The following AVL9 variants were observed in gnomAD, a reference collection of about 807,000 sequenced individuals.
The protein encoded by AVL9 is late secretory pathway protein AVL9 homolog.
A neutral mutation model predicts 79.2 loss-of-function variants in AVL9; 49 were observed. The observed-to-expected ratio is 0.62, with a 90% CI of 0.49 to 0.79. The LOEUF is 0.79. AVL9 is among the 30% of genes least tolerant of loss of function. AVL9 has a pLI of 0.00. For missense variants in AVL9, 682 were observed against 776.8 expected, an observed-to-expected ratio of 0.88 and a Z score of 1.45; for synonymous variants, 299 against 280.6, an observed-to-expected ratio of 1.07 and a Z score of -0.65.
chr7:32,520,157 G>T (rs1443078835), intron 1 of AVL9, among the ~76,000 whole-genome samples: 1 of 152,128 alleles, frequency 6.6e-6, no homozygotes, highest in Non-Finnish European at 1.5e-5. Flanking sequence ...GAAAAATTAA[G>T]CCAGGGCAAC....
At chr7:32,579,448 ATAT>A (rs1276249244) in intron 13 of AVL9, among the ~76,000 whole-genome samples, 1,603 of 5,800 alleles carry the variant, frequency 0.28, 693 homozygotes, top group Middle Eastern at 0.57. Flanking sequence ...TATATATAAT[ATAT>A]TATATATTAT....
intron 1 of AVL9, among the ~76,000 whole-genome samples, chr7:32,505,681 T>A (rs942183474): frequency 1.3e-5 from 2 of 152,184 alleles, no homozygotes; most frequent in Non-Finnish European, 2.9e-5. Flanking sequence ...GTAGGAGATA[T>A]AGTGACAGTT....
intron 1 of AVL9, among the ~76,000 whole-genome samples, chr7:32,497,873 G>T (rs138631510): frequency 0.011 from 1,652 of 152,140 alleles, 34 homozygotes; most frequent in African/African-American, 0.038. Flanking sequence ...GGATGGTCTC[G>T]ATCTCCTTAC....
rs1454142346 is a variant in AVL9 at position 32,586,641 on chromosome 7, G to A, written c.*2734G>A. The A allele has an allele frequency of 6.6e-6, 1 of 152,192 alleles. No individual in the cohort carries two copies. The highest frequency in any genetic ancestry group is 1.5e-5 in the Non-Finnish European group (1 of 68,064). 9.4% of individuals were successfully genotyped at this position (152,192 alleles called of 1,614,324 possible). On this transcript the variant is annotated 3_prime_UTR_variant, in exon 16 of 16. Coordinates refer to ENST00000318709, the MANE Select transcript of AVL9 (RefSeq NM_015060.3). ...TGTGTTGGTGGCCACACTTGCTAAG[G>A]CTTTTGTGTCTAAGAATTGAGTATT...
At chr7:32,578,475 TCTTCAATAGC>T (rs1791197957) in intron 13 of AVL9, among the ~76,000 whole-genome samples, 1 of 152,208 alleles carries the variant, frequency 6.6e-6, no homozygotes, top group South Asian at 2.1e-4. Context: ...AGTTTAGTTT[TCTTCAATAGC>T]AAATTTTCAA....
At chr7:32,559,864 ATT>A (rs1482426229) in intron 10 of AVL9, 1 of 158,456 alleles carries the variant, frequency 6.3e-6, no homozygotes, top group Non-Finnish European at 1.4e-5. Flanking sequence ...AGTCTCAGGA[ATT>A]TTTTTGTTTC....
intron 8 of AVL9, among the ~76,000 whole-genome samples, chr7:32,558,167 C>A (rs1261507226): frequency 6.9e-6 from 1 of 144,664 alleles, no homozygotes; most frequent in African/African-American, 2.6e-5. Flanking sequence ...AGCTGTTATT[C>A]TTCTTTTTAT....
intron 7 of AVL9, 64 bp downstream of exon 7, chr7:32,553,831 G>A: frequency 1.6e-6 from 2 of 1,216,154 alleles, no homozygotes; most frequent in Non-Finnish European, 2.4e-6. Context: ...ACTGTTCTTA[G>A]TGTGCTCATT....
intron 11 of AVL9, 132 bp from the exon 12 acceptor site, chr7:32,573,067 C>G (rs908579096): frequency 3.0e-6 from 2 of 659,484 alleles, no homozygotes; most frequent in Admixed American, 2.7e-5. Flanking sequence ...CTTTCTTAGA[C>G]TCACCTTTTG....
chr7:32,525,633 A>G (rs1788370359), intron 1 of AVL9, among the ~76,000 whole-genome samples: 1 of 152,170 alleles, frequency 6.6e-6, no homozygotes, highest in Non-Finnish European at 1.5e-5. Context: ...GGCTACAGTA[A>G]TCTCTAGAGA....
chr7:32,562,991 G>A (rs7781567), intron 10 of AVL9, among the ~76,000 whole-genome samples: 127,603 of 152,214 alleles, frequency 0.84, 53,545 homozygotes, highest in Middle Eastern at 0.88. Context: ...CATAGTATTT[G>A]CATATAACGT....
At chr7:32,576,550 G>A (rs1791109256) in intron 13 of AVL9, among the ~76,000 whole-genome samples, 1 of 152,132 alleles carries the variant, frequency 6.6e-6, no homozygotes, top group Non-Finnish European at 1.5e-5. Flanking sequence ...TTGGGAGGCC[G>A]AGGTGGGCAG....
intron 1 of AVL9, among the ~76,000 whole-genome samples, chr7:32,528,778 A>T (rs1788511312): frequency 6.6e-6 from 1 of 152,176 alleles, no homozygotes; most frequent in African/African-American, 2.4e-5. Context: ...TGGGAGGCTG[A>T]GGCGGGCAGA....
intron 13 of AVL9, among the ~76,000 whole-genome samples, chr7:32,579,949 G>C (rs1471608428): frequency 1.3e-5 from 2 of 151,858 alleles, no homozygotes; most frequent in Admixed American, 6.6e-5. Flanking sequence ...TGTCAGGATA[G>C]CACTAAAACA....
At chr7:32,562,051 C>G (rs1044864567) in intron 10 of AVL9, among the ~76,000 whole-genome samples, 5 of 152,112 alleles carry the variant, frequency 3.3e-5, no homozygotes, top group Non-Finnish European at 5.9e-5. Flanking sequence ...CATCAAAGAT[C>G]ACGGATCACA....
At position 32,587,854 on chromosome 7, in the gene AVL9, G is replaced by A. The variant is rs1288137724; in HGVS notation, c.*3947G>A. On this transcript the variant is annotated 3_prime_UTR_variant, in exon 16 of 16. Transcript: ENST00000318709. ...CGGCATTCCATAAATATTTGTCAAGGACAAAGAAAAGGAATGTGGATGTTT... is the reference window on the plus strand; with the variant it reads ...CGGCATTCCATAAATATTTGTCAAGAACAAAGAAAAGGAATGTGGATGTTT... 1 of 152,110 alleles carries A rather than the reference G, an allele frequency of 6.6e-6. No homozygotes were observed. Among genetic ancestry groups the A allele is most frequent in the Non-Finnish European group, 1.5e-5 (1 of 67,998 alleles). The allele number at this position is 152,110 out of a possible 1,614,324, so 9.4% of individuals were successfully genotyped here.
At chr7:32,518,233 T>G (rs1216507880) in intron 1 of AVL9, among the ~76,000 whole-genome samples, 1 of 152,194 alleles carries the variant, frequency 6.6e-6, no homozygotes, top group Non-Finnish European at 1.5e-5. Flanking sequence ...ATGTTAAGTT[T>G]CTTACTTAGG....
chr7:32,556,021 ATTG>A (rs1790037712), intron 8 of AVL9, among the ~76,000 whole-genome samples: 1 of 152,170 alleles, frequency 6.6e-6, no homozygotes, highest in African/African-American at 2.4e-5. Context: ...AGATGTTTTT[ATTG>A]TTTTAAAGAT....
chr7:32,508,134 T>A (rs73097596), intron 1 of AVL9, among the ~76,000 whole-genome samples: 1 of 152,186 alleles, frequency 6.6e-6, no homozygotes, highest in African/African-American at 2.4e-5. Flanking sequence ...TTAAGACTTA[T>A]ATGTGCTGCA....
Sources: gnomAD v4.1 joint callset for allele counts (sites outside exome capture counted in the v4.1 genomes callset) on GRCh38, gnomAD v4.1.1 for gene constraint, MANE v1.5 for transcripts, NCBI Gene and HGNC (gene_info 2026-07-23, HGNC 2026-07-21) for gene names.